Variants in HYCC2 observed in about 807,000 individuals in gnomAD.
HYCC2 encodes the protein hyccin 2.
chr2:200,995,031 A>G, the HYCC2 span, among the ~76,000 whole-genome samples: 2 of 151,954 alleles, frequency 1.3e-5, no homozygotes, highest in Admixed American at 1.3e-4. Context: ...GAAAGAAAAA[A>G]ATTCTATTGA....
chr2:201,016,032 G>A, the HYCC2 span, among the ~76,000 whole-genome samples: 1 of 152,092 alleles, frequency 6.6e-6, no homozygotes, highest in Non-Finnish European at 1.5e-5. Context: ...GAACACAGCA[G>A]GAGTTTCCTA....
the HYCC2 span, among the ~76,000 whole-genome samples, chr2:201,012,235 G>A: frequency 6.4e-4 from 98 of 152,110 alleles, no homozygotes; most frequent in African/African-American, 2.2e-3. Context: ...CAAGGCAGTC[G>A]GATCGCTTCA....
At chr2:201,004,259 C>T in the HYCC2 span, among the ~76,000 whole-genome samples, 11 of 152,300 alleles carry the variant, frequency 7.2e-5, no homozygotes, top group Middle Eastern at 3.4e-3. Context: ...GAATTTGAAG[C>T]GTGCATAAGT....
the HYCC2 span, among the ~76,000 whole-genome samples, chr2:201,043,094 T>G: frequency 6.6e-6 from 1 of 152,210 alleles, no homozygotes; most frequent in African/African-American, 2.4e-5. Context: ...GGAAAAATTC[T>G]TCTGCCTTGG....
the HYCC2 span, chr2:200,976,468 G>C: frequency 4.6e-5 from 7 of 152,126 alleles, no homozygotes; most frequent in African/African-American, 1.7e-4. Context: ...TGAACATGCA[G>C]AGATTTAAAC....
chr2:201,070,652 C>CAA, the HYCC2 span, among the ~76,000 whole-genome samples: 5 of 139,278 alleles, frequency 3.6e-5, no homozygotes, highest in Admixed American at 2.2e-4. Context: ...AACTCCGTCT[C>CAA]AAAAAAAAAA....
chr2:200,978,908 A>T, the HYCC2 span: 1 of 152,200 alleles, frequency 6.6e-6, no homozygotes, highest in Non-Finnish European at 1.5e-5. Context: ...CTCTAACCAA[A>T]ATCATGCTAG....
the HYCC2 span, chr2:200,981,514 C>T: frequency 1.9e-6 from 3 of 1,614,102 alleles, no homozygotes; most frequent in South Asian, 3.3e-5. The surrounding 1 kb of genome is among the most constrained non-coding windows in gnomAD (Gnocchi z 4.5). Context: ...TGAGGAAGCA[C>T]TGGCTGTCCG....
the HYCC2 span, chr2:200,978,035 C>A: frequency 1.3e-5 from 2 of 152,150 alleles, no homozygotes; most frequent in East Asian, 1.9e-4. Context: ...CCCTAAATAT[C>A]TTTTTCATAG....
At chr2:201,006,644 G>C in the HYCC2 span, among the ~76,000 whole-genome samples, 1 of 152,046 alleles carries the variant, frequency 6.6e-6, no homozygotes, top group Non-Finnish European at 1.5e-5. Context: ...TTCTCTCTGG[G>C]AGATATTTTG....
chr2:201,041,344 A>G, the HYCC2 span, among the ~76,000 whole-genome samples: 2 of 152,224 alleles, frequency 1.3e-5, no homozygotes, highest in Non-Finnish European at 2.9e-5. Context: ...TCCCTGTCTT[A>G]TGGTTCATAC....
At chr2:201,008,775 G>A in the HYCC2 span, among the ~76,000 whole-genome samples, 1 of 152,148 alleles carries the variant, frequency 6.6e-6, no homozygotes, top group Non-Finnish European at 1.5e-5. Flanking sequence ...GTGTACACCT[G>A]TAGTCCTAGC....
At chr2:201,059,572 T>C in the HYCC2 span, among the ~76,000 whole-genome samples, 1 of 152,176 alleles carries the variant, frequency 6.6e-6, no homozygotes, top group African/African-American at 2.4e-5. Flanking sequence ...GAAAAAACCC[T>C]TTCCTTTCCC....
chr2:201,046,330 G>A, the HYCC2 span, among the ~76,000 whole-genome samples: 1 of 152,096 alleles, frequency 6.6e-6, no homozygotes, highest in South Asian at 2.1e-4. Context: ...CTGAAGATGT[G>A]TCAGGACCCC....
chr2:201,005,284 G>A, the HYCC2 span, among the ~76,000 whole-genome samples: 12 of 152,106 alleles, frequency 7.9e-5, no homozygotes, highest in Non-Finnish European at 1.3e-4. Context: ...TTTTTCTGGG[G>A]GGGTTTGGGA....
the HYCC2 span, among the ~76,000 whole-genome samples, chr2:201,051,522 T>C: frequency 5.9e-5 from 9 of 152,108 alleles, no homozygotes; most frequent in Non-Finnish European, 1.3e-4. Flanking sequence ...AAGGTTAATA[T>C]ACAAAAAATC....
chr2:201,003,026 C>A, the HYCC2 span, among the ~76,000 whole-genome samples: 1 of 152,110 alleles, frequency 6.6e-6, no homozygotes, highest in African/African-American at 2.4e-5. Flanking sequence ...AATAACTCAT[C>A]ATTAAAAAGA....
chr2:201,030,118 T>C, the HYCC2 span, among the ~76,000 whole-genome samples: 1 of 152,060 alleles, frequency 6.6e-6, no homozygotes, highest in Non-Finnish European at 1.5e-5. Context: ...GGAAATTTCA[T>C]TGTAATGGTG....
chr2:200,991,291 GA>G, the HYCC2 span, among the ~76,000 whole-genome samples: 1 of 152,104 alleles, frequency 6.6e-6, no homozygotes, highest in African/African-American at 2.4e-5. Context: ...TCAACATAGT[GA>G]AACTCCATCT....
Sources: allele counts gnomAD v4.1 joint callset (sites outside exome capture counted in the v4.1 genomes callset), GRCh38; gene constraint gnomAD v4.1.1; non-coding constraint Gnocchi (gnomAD v3.1); transcripts MANE v1.5; gene names NCBI Gene and HGNC (gene_info 2026-07-23, HGNC 2026-07-21).